Variants in CDK12 observed in about 807,000 individuals in gnomAD.
The protein encoded by CDK12 is cyclin-dependent kinase 12.
Under a neutral mutation model 133.8 loss-of-function variants are expected in CDK12, and 17 were observed. That is an observed-to-expected ratio of 0.13 (90% CI 0.09 to 0.19). The LOEUF (loss-of-function observed/expected upper bound fraction) is 0.19. Ranked by LOEUF, CDK12 falls within the 10% of genes least tolerant of loss-of-function variation. The pLI is 1.00. For missense variants in CDK12, 1,508 were observed against 1,818.7 expected (o/e 0.83, Z 3.11); for synonymous variants, 694 against 683.6 (o/e 1.02, Z -0.24).
Position 39,517,695 on chromosome 17 carries a change from T to C in CDK12, c.2963+139T>C, listed in dbSNP as rs1567768835. ...AGGAAAACATTTTAGTTTCGAACAG[T>C]ATATGAGTTTTATCATAGCCCTTTT... On this transcript the variant is annotated intron_variant, in intron 10 of 13. Coordinates refer to ENST00000447079, the MANE Select transcript of CDK12 (RefSeq NM_016507.4). The C allele has an allele frequency of 1.2e-5, 7 of 594,572 alleles. No homozygotes were observed. In the East Asian group the frequency reaches 2.0e-4, roughly 17 times the overall value. 36.8% of individuals were successfully genotyped at this position (594,572 alleles called of 1,614,324 possible).
At chr17:39,563,391 T>TTCTC (rs71147359) in intron 3 of CDK12, among the ~76,000 whole-genome samples, 7 of 146,718 alleles carry the variant, frequency 4.8e-5, no homozygotes, top group African/African-American at 1.3e-4. Context: ...GAACTCAATA[T>TTCTC]TCTCTCTCTC....
At chr17:39,493,662 A>C (rs540211194) in intron 4 of CDK12, among the ~76,000 whole-genome samples, 3 of 152,072 alleles carry the variant, frequency 2.0e-5, no homozygotes, top group Non-Finnish European at 4.4e-5. Context: ...AAAGTTATTG[A>C]GTAGATCAAA....
At chr17:39,508,452 C>A (rs2146304359) in intron 6 of CDK12, among the ~76,000 whole-genome samples, 1 of 152,148 alleles carries the variant, frequency 6.6e-6, no homozygotes, top group African/African-American at 2.4e-5. Context: ...GCATTGCCCA[C>A]CCCCTCCAAT....
At chr17:39,516,104 G>T (rs1421282396) in intron 9 of CDK12, among the ~76,000 whole-genome samples, 1 of 152,094 alleles carries the variant, frequency 6.6e-6, no homozygotes, top group South Asian at 2.1e-4. Context: ...AATTTATTCA[G>T]CAAACATTTA....
rs377115176 is a variant in CDK12, at chr17:39,507,475, A to G, written c.2610-2230A>G. On this transcript the variant is annotated intron_variant, in intron 6 of 13. Coordinates refer to ENST00000447079, the MANE Select transcript of CDK12 (RefSeq NM_016507.4). ...GTGGCACATGCCTGTAATCCCAGCTACTCGGGAGGCAGAGGTTGTAGTGAG... is the reference window on the plus strand; with the variant it reads ...GTGGCACATGCCTGTAATCCCAGCTGCTCGGGAGGCAGAGGTTGTAGTGAG... Among the ~76,000 whole-genome samples, 121 of 151,658 alleles carry G rather than the reference A, an allele frequency of 8.0e-4. 1 individual carries two copies. Among genetic ancestry groups the G allele is most frequent in the African/African-American group, 2.9e-3 (118 of 41,352 alleles).
intron 7 of CDK12, 81 bp downstream of exon 7, chr17:39,509,842 C>T: frequency 8.9e-7 from 1 of 1,122,320 alleles, no homozygotes. Context: ...TATTCTGTTG[C>T]TCAGGCTGGA....
intron 2 of CDK12, among the ~76,000 whole-genome samples, chr17:39,481,714 C>G (rs1597984284): frequency 4.7e-5 from 1 of 21,252 alleles, no homozygotes; most frequent in Non-Finnish European, 1.1e-4. Context: ...CTCTCTCTTT[C>G]TCTTTTCTTT....
intron 5 of CDK12, among the ~76,000 whole-genome samples, chr17:39,495,873 G>A (rs2052066617): frequency 6.6e-6 from 1 of 151,230 alleles, no homozygotes; most frequent in Non-Finnish European, 1.5e-5. Flanking sequence ...AACCACTGAA[G>A]TATTAATACA....
intron 2 of CDK12, 50 bp downstream of exon 2, chr17:39,471,813 C>T: frequency 6.8e-7 from 1 of 1,461,986 alleles, no homozygotes; most frequent in Non-Finnish European, 9.3e-7. Flanking sequence ...AAACATAAAG[C>T]ATTTTCTGTT....
chr17:39,496,019 C>G (rs1428350876), intron 5 of CDK12, among the ~76,000 whole-genome samples: 1 of 151,840 alleles, frequency 6.6e-6, no homozygotes, highest in African/African-American at 2.4e-5. Context: ...TCAAGCAATT[C>G]TCCTGCCTCA....
intron 2 of CDK12, among the ~76,000 whole-genome samples, chr17:39,481,631 GCGCTCTCTCT>G (rs1567705901): frequency 5.8e-5 from 2 of 34,276 alleles, no homozygotes; most frequent in African/African-American, 7.5e-5. Flanking sequence ...GCTCGCTCGC[GCGCTCTCTCT>G]CTCTCTCTCT....
chr17:39,503,174 G>A (rs1386392812), intron 6 of CDK12, among the ~76,000 whole-genome samples: 1 of 152,188 alleles, frequency 6.6e-6, no homozygotes, highest in Non-Finnish European at 1.5e-5. Context: ...CTGGGTTCAA[G>A]CGATGCTCCT....
rs34599937 is a variant in CDK12 at position 39,490,366 on chromosome 17, C to CA, written c.1932-181dup. Among the ~76,000 whole-genome samples, 7,700 of 139,368 alleles carry CA rather than the reference C, an allele frequency of 0.055. 628 individuals are homozygous for CA. Among genetic ancestry groups the CA allele is most frequent in the African/African-American group, 0.19 (7,257 of 38,036 alleles). 91.4% of individuals were successfully genotyped at this position (139,368 alleles called of 152,430 possible). On this transcript the variant is annotated intron_variant, in intron 2 of 13. Transcript: ENST00000447079. ...TGGGCGACAGAGTGATACTCTGTCTCAAAAAAAAAAGAAAAAAATTAAGTA... is the reference window on the plus strand; with the variant it reads ...TGGGCGACAGAGTGATACTCTGTCTCAAAAAAAAAAAGAAAAAAATTAAGTA...
intron 1 of CDK12, among the ~76,000 whole-genome samples, chr17:39,542,183 G>T (rs544086781): frequency 3.0e-4 from 45 of 151,822 alleles, no homozygotes; most frequent in East Asian, 1.4e-3. Context: ...GTATCTTAAA[G>T]AATAATCTTT....
intron 2 of CDK12, among the ~76,000 whole-genome samples, chr17:39,487,859 C>A (rs60333790): frequency 6.6e-6 from 1 of 152,024 alleles, no homozygotes. Flanking sequence ...AACTGATCCG[C>A]CTGCCTTGGC....
At chr17:39,536,629 C>T (rs1159909045), downstream of CDK12, among the ~76,000 whole-genome samples, 1 of 152,134 alleles carries the variant, frequency 6.6e-6, no homozygotes, top group Non-Finnish European at 1.5e-5. Flanking sequence ...GGAAGTAAAG[C>T]TTGGTGAGAA....
chr17:39,466,886 A>G (rs760879552), intron 1 of CDK12, among the ~76,000 whole-genome samples: 7 of 150,466 alleles, frequency 4.7e-5, no homozygotes, highest in Non-Finnish European at 8.9e-5. Context: ...TTGTAGAGTC[A>G]GAGGAACATA....
intron 9 of CDK12, 78 bp downstream of exon 9, chr17:39,515,886 A>G: frequency 1.1e-6 from 1 of 897,376 alleles, no homozygotes; most frequent in Non-Finnish European, 1.8e-6. Context: ...CTTTCTAGTC[A>G]TTCTGAATGA....
chr17:39,474,032 G>C (rs890342915), intron 2 of CDK12, among the ~76,000 whole-genome samples: 1 of 152,182 alleles, frequency 6.6e-6, no homozygotes, highest in Non-Finnish European at 1.5e-5. Context: ...ACTCCAGCCT[G>C]GGTGACAGAG....
Sources: gnomAD v4.1 joint callset for allele counts (sites outside exome capture counted in the v4.1 genomes callset) on GRCh38, gnomAD v4.1.1 for gene constraint, MANE v1.5 for transcripts, NCBI Gene and HGNC (gene_info 2026-07-23, HGNC 2026-07-21) for gene names.